Variants in RBM33 observed in about 807,000 individuals in gnomAD.
The protein encoded by RBM33 is RNA-binding protein 33.
Under a neutral mutation model 132.6 loss-of-function variants are expected in RBM33, and 28 were observed. The ratio of observed to expected loss-of-function variants is 0.21; its 90% CI spans 0.16 to 0.29. RBM33 has a LOEUF of 0.29. Among genes scored for constraint, RBM33 ranks in the 10% least tolerant of loss-of-function variants. RBM33 has a pLI of 1.00. For synonymous variants in RBM33, 634 were observed against 593.0 expected (o/e 1.07, Z -1.01); for missense variants, 1,291 against 1,518.5 (o/e 0.85, Z 2.49).
At chr7:155,710,870 G>A (rs1800264031) in intron 7 of RBM33, among the ~76,000 whole-genome samples, 1 of 151,824 alleles carries the variant, frequency 6.6e-6, no homozygotes, top group African/African-American at 2.4e-5. Flanking sequence ...CTGGCACAGG[G>A]CTTTGCTCAG....
intron 1 of RBM33, among the ~76,000 whole-genome samples, chr7:155,663,351 GGT>G (rs1798708464): frequency 6.6e-6 from 1 of 151,942 alleles, no homozygotes; most frequent in African/African-American, 2.4e-5. Flanking sequence ...GTACAAGTGT[GGT>G]GTCAGCGCCT....
intron 13 of RBM33, 72 bp from the exon 14 acceptor site, chr7:155,744,889 G>A: frequency 2.2e-6 from 3 of 1,389,244 alleles, no homozygotes; most frequent in Non-Finnish European, 2.9e-6. Context: ...ATGTGTTCTT[G>A]TAATTTGTTG....
chr7:155,781,326 CTT>C lies in RBM33; in HGVS notation c.*6289_*6290del, dbSNP rs1802827978. 1 of 152,244 alleles carries C rather than the reference CTT, an allele frequency of 6.6e-6. No homozygotes were observed. The highest frequency in any genetic ancestry group is 1.5e-5 in the Non-Finnish European group (1 of 68,044). The allele number at this position is 152,244 out of a possible 1,614,324, so 9.4% of individuals were successfully genotyped here. A position where few individuals can be genotyped will look rare whatever the true frequency, so the allele number is the denominator to read the frequency against. ...CACTTCGCGTTAACTGCTGTGGTAA[CTT>C]TTTCAGGATCTGTGTGAAGAATGGT... On this transcript the variant is annotated 3_prime_UTR_variant, in exon 18 of 18. Coordinates refer to ENST00000401878, the MANE Select transcript of RBM33 (RefSeq NM_053043.3).
chr7:155,661,852 C>G (rs1390994866), intron 1 of RBM33, among the ~76,000 whole-genome samples: 9 of 152,204 alleles, frequency 5.9e-5, no homozygotes, highest in Admixed American at 5.9e-4. Flanking sequence ...CTGATCCTCT[C>G]ACATGCAGTT....
At chr7:155,721,246 G>A (rs1387043263) in intron 9 of RBM33, among the ~76,000 whole-genome samples, 1 of 152,048 alleles carries the variant, frequency 6.6e-6, no homozygotes, top group Admixed American at 6.6e-5. Context: ...CCAGAGTCCC[G>A]GTCATCCTGT....
At chr7:155,682,015 G>C (rs1039644338) in intron 5 of RBM33, among the ~76,000 whole-genome samples, 1 of 151,862 alleles carries the variant, frequency 6.6e-6, no homozygotes, top group Non-Finnish European at 1.5e-5. Context: ...CCACCTTCTG[G>C]GTTCAAACAA....
intron 6 of RBM33, among the ~76,000 whole-genome samples, chr7:155,704,556 G>T (rs1800060733): frequency 1.3e-5 from 2 of 152,186 alleles, no homozygotes; most frequent in African/African-American, 4.8e-5. Flanking sequence ...TGCCAGTCCT[G>T]CAAGTTGAGA....
At chr7:155,661,219 A>G (rs1277848131) in intron 1 of RBM33, among the ~76,000 whole-genome samples, 1 of 145,934 alleles carries the variant, frequency 6.9e-6, no homozygotes, top group Non-Finnish European at 1.5e-5. Context: ...GCTCACTGCA[A>G]TCTCTGCCTC....
chr7:155,693,147 ATTAT>A (rs1799693979), intron 5 of RBM33, among the ~76,000 whole-genome samples: 2 of 152,210 alleles, frequency 1.3e-5, no homozygotes, highest in South Asian at 2.1e-4. Context: ...AAATGGTGGA[ATTAT>A]TTAGTCTTTG....
At position 155,763,897 on chromosome 7, in the gene RBM33, G is replaced by T; in HGVS notation, c.3065G>T (p.Arg1022Leu). ...QPPEVGPQPA[R>L]KVTLTRGGLQ... ...CCGGAAGTGGGACCACAGCCTGCCCGCAAGGTGACGCTGACCAGGGGGGGC... is the reference window on the plus strand; with the variant it reads ...CCGGAAGTGGGACCACAGCCTGCCCTCAAGGTGACGCTGACCAGGGGGGGC... Residue 1022 changes from arginine to leucine, a missense_variant, in exon 15 of 18, where the codon CGC becomes CTC. This residue lies in a region of RBM33 where 841 missense variants were observed against 912.0 expected (regional missense o/e 0.92). Transcript: ENST00000401878. The T allele has an allele frequency of 6.2e-7, 1 of 1,609,782 alleles. No individual in the cohort carries two copies. Among genetic ancestry groups the T allele is most frequent in the South Asian group, 1.1e-5 (1 of 90,188 alleles).
Position 155,644,866 on chromosome 7 carries a change from C to G in RBM33, c.-11C>G, listed in dbSNP as rs1224076810. 5 of 1,490,634 alleles carry G rather than the reference C, an allele frequency of 3.4e-6. No individual in the cohort carries two copies. The highest frequency in any genetic ancestry group is 2.3e-4 in the Middle Eastern group (1 of 4,416). 92.3% of individuals were successfully genotyped at this position (1,490,634 alleles called of 1,614,324 possible). A position where few individuals can be genotyped will look rare whatever the true frequency, so the allele number is the denominator to read the frequency against. On this transcript the variant is annotated 5_prime_UTR_variant, in exon 1 of 18. Transcript: ENST00000401878. ...GGTGGGGGAGGCTGAAGGCCGGGCC[C>G]CGCGAGTGCCATGGCGGCCGCCCTG...
chr7:155,764,316 C>T (rs951344238), intron 15 of RBM33, among the ~76,000 whole-genome samples: 4 of 146,704 alleles, frequency 2.7e-5, no homozygotes, highest in Admixed American at 1.4e-4. Context: ...CTCGGGACAG[C>T]GCCTGCTGCT....
At chr7:155,648,695 G>A (rs918126544) in intron 1 of RBM33, among the ~76,000 whole-genome samples, 11 of 151,980 alleles carry the variant, frequency 7.2e-5, no homozygotes, top group Admixed American at 4.6e-4. Context: ...TTGAGGAGTC[G>A]GGAAAGAATA....
chr7:155,669,129 C>T (rs1434660941), intron 2 of RBM33, among the ~76,000 whole-genome samples: 1 of 152,066 alleles, frequency 6.6e-6, no homozygotes, highest in African/African-American at 2.4e-5. Flanking sequence ...AAGCATAAGA[C>T]AGCCTCTCTG....
At chr7:155,703,737 T>G (rs1585460966) in intron 6 of RBM33, among the ~76,000 whole-genome samples, 1 of 152,150 alleles carries the variant, frequency 6.6e-6, no homozygotes, top group African/African-American at 2.4e-5. Context: ...GAAAAAGAGA[T>G]AATGCCTCAG....
chr7:155,754,037 C>A (rs1801769610), intron 14 of RBM33, among the ~76,000 whole-genome samples: 1 of 152,176 alleles, frequency 6.6e-6, no homozygotes, highest in Non-Finnish European at 1.5e-5. Flanking sequence ...TTGATAATTT[C>A]CAAGGAGACT....
chr7:155,753,761 G>A (rs1242970791), intron 14 of RBM33, among the ~76,000 whole-genome samples: 1 of 152,226 alleles, frequency 6.6e-6, no homozygotes, highest in Non-Finnish European at 1.5e-5. Context: ...TGGGGCAGGG[G>A]AGGAGCGTGG....
In RBM33 at chr7:155,673,531, C is replaced by T. The variant is rs539260920; in HGVS notation, c.171+616C>T. ...ATACACACGTGTATATATATACACACATATATACATACACACGTGTATATA... is the reference window on the plus strand; with the variant it reads ...ATACACACGTGTATATATATACACATATATATACATACACACGTGTATATA... On this transcript the variant is annotated intron_variant, in intron 3 of 17. Transcript: ENST00000401878. 1.3e-3 allele frequency among the ~76,000 whole-genome samples: 163 copies of T among 121,006 alleles called. 6 individuals are homozygous for T. Among genetic ancestry groups the T allele is most frequent in the Non-Finnish European group, 2.3e-3 (143 of 62,098 alleles). The allele number at this position is 121,006 out of a possible 152,430, so 79.4% of individuals were successfully genotyped here.
At position 155,739,984 on chromosome 7, in the gene RBM33, C is replaced by T. The variant is rs1213956969; in HGVS notation, c.2007C>T (p.Ser669=). 1 of 1,566,226 alleles carries T rather than the reference C, an allele frequency of 6.4e-7. No individual in the cohort carries two copies. The highest frequency in any genetic ancestry group is 1.3e-5 in the African/African-American group (1 of 74,082). ...PHVQTAQPQA[S]SSRMQCPQRQ... The stretch of plus-strand genomic sequence containing the variant: ...TACAGACCGCTCAGCCTCAGGCCAG[C>T]AGCAGCCGGATGCAGTGCCCCCAGC... The change falls in exon 12 of 18, where the codon AGC becomes AGT. Residue 669 remains serine, a synonymous_variant. Transcript: ENST00000401878.
Sources: allele counts gnomAD v4.1 joint callset (sites outside exome capture counted in the v4.1 genomes callset), GRCh38; gene constraint gnomAD v4.1.1; regional missense constraint gnomAD v4.1.1; transcripts MANE v1.5; gene names NCBI Gene and HGNC (gene_info 2026-07-23, HGNC 2026-07-21).